The following CA12 variants were observed in gnomAD, a reference collection of about 807,000 sequenced individuals.
CA12 encodes carbonic anhydrase 12, also known as carbonate dehydratase XII.
Under a neutral mutation model 46.8 loss-of-function variants are expected in CA12, and 36 were observed. The ratio of observed to expected loss-of-function variants is 0.77; its 90% confidence interval spans 0.59 to 1.02. The LOEUF (loss-of-function observed/expected upper bound fraction) is 1.02. Ranked by LOEUF, CA12 falls within the 50% of genes least tolerant of loss-of-function variation. The probability of loss-of-function intolerance (pLI) is 0.00; values close to 1 mark genes in which losing one functional copy is unlikely to be tolerated. For missense variants in CA12, 436 were observed against 451.4 expected, an observed-to-expected ratio of 0.97 and a Z score of 0.31; for synonymous variants, 202 against 187.0, an observed-to-expected ratio of 1.08 and a Z score of -0.65.
Position 63,322,739 on chromosome 15 carries a change from T to G in CA12, c.*3546A>C, listed in dbSNP as rs1454081484. 2 of 152,318 alleles carry G rather than the reference T, an allele frequency of 1.3e-5. No individual in the cohort carries two copies. The highest frequency in any genetic ancestry group is 2.9e-5 in the Non-Finnish European group (2 of 68,106). 9.4% of individuals were successfully genotyped at this position (152,318 alleles called of 1,614,324 possible). A position where few individuals can be genotyped will look rare whatever the true frequency, so the allele number is the denominator to read the frequency against. ...TGGGAACTCTGGCTTCCCGGCTGTCTTCATGCCTGTGCGTGGCCATGACAC... is the reference window on the plus strand; with the variant it reads ...TGGGAACTCTGGCTTCCCGGCTGTCGTCATGCCTGTGCGTGGCCATGACAC... On this transcript the variant is annotated 3_prime_UTR_variant, in exon 11 of 11. Coordinates refer to ENST00000178638, the MANE Select transcript of CA12 (RefSeq NM_001218.5). The surrounding 1 kb of genome is among the most constrained non-coding windows in gnomAD (Gnocchi z 4.1).
intron 3 of CA12, among the ~76,000 whole-genome samples, 177 bp downstream of exon 3, chr15:63,346,353 C>T (rs1366345500): frequency 6.6e-6 from 1 of 152,158 alleles, no homozygotes; most frequent in Non-Finnish European, 1.5e-5. Flanking sequence ...GAGCCCAGAG[C>T]CTCCAGCATC....
chr15:63,380,159 A>C (rs2039626795), intron 1 of CA12, among the ~76,000 whole-genome samples: 2 of 152,218 alleles, frequency 1.3e-5, no homozygotes, highest in Admixed American at 1.3e-4. Context: ...TGCTCTACCC[A>C]GGGGTAGGCA....
rs2039058865 is a variant in CA12 at position 63,340,236 on chromosome 15, A to G, written c.747+52T>C. Reference sequence around the variant, plus strand: ...GTCATTGATTGTGATATGGAGGATGATGGGGACTGAGGTGCCGCGTGGACT... The same window carrying G: ...GTCATTGATTGTGATATGGAGGATGGTGGGGACTGAGGTGCCGCGTGGACT... On this transcript the variant is annotated intron_variant, in intron 7 of 10. Transcript: ENST00000178638. The surrounding 1 kb of genome is among the most constrained non-coding windows in gnomAD (Gnocchi z 4.4). 5 of 1,597,820 alleles carry G rather than the reference A, an allele frequency of 3.1e-6. No homozygotes were observed. The Admixed American group carries it at 8.3e-5, about 27-fold the overall frequency.
chr15:63,328,194 G>T lies in CA12; in HGVS notation c.875-64C>A, dbSNP rs750269900. Reference sequence around the variant, plus strand: ...TCAAACCACACTGGATTTGAGCAGCGTGTTGAGAGACGCTCTACCATTTGT... The same window carrying T: ...TCAAACCACACTGGATTTGAGCAGCTTGTTGAGAGACGCTCTACCATTTGT... On this transcript the variant is annotated intron_variant, in intron 8 of 10. Coordinates refer to ENST00000178638, the MANE Select transcript of CA12 (RefSeq NM_001218.5). The surrounding 1 kb of genome is among the most constrained non-coding windows in gnomAD (Gnocchi z 5.9). The T allele has an allele frequency of 4.9e-6, 7 of 1,443,210 alleles. No homozygotes were observed. In the Admixed American group the frequency reaches 1.2e-4, roughly 24 times the overall value. The allele number at this position is 1,443,210 out of a possible 1,614,324, so 89.4% of individuals were successfully genotyped here.
chr15:63,371,852 T>C (rs2039512800), intron 2 of CA12, among the ~76,000 whole-genome samples: 1 of 151,976 alleles, frequency 6.6e-6, no homozygotes, highest in Non-Finnish European at 1.5e-5. Context: ...TTTTGTTTTG[T>C]TTTTGGGTTT....
rs556804289 is a variant in CA12, at chr15:63,381,523, T to G, written c.85+113A>C. The G allele has an allele frequency of 1.4e-4, 127 of 907,060 alleles. 1 individual carries two copies. The African/African-American group carries it at 1.9e-3, about 14-fold the overall frequency. The allele number at this position is 907,060 out of a possible 1,614,324, so 56.2% of individuals were successfully genotyped here. Reference sequence around the variant, plus strand: ...TTCTTGAGAATCTACTATTTGGTACTACACCTTCCCTGCTCCCCGCAGCAA... The same window carrying G: ...TTCTTGAGAATCTACTATTTGGTACGACACCTTCCCTGCTCCCCGCAGCAA... On this transcript the variant is annotated intron_variant, in intron 1 of 10. Transcript: ENST00000178638.
rs191277004 is a variant in CA12 at position 63,326,270 on chromosome 15, G to A, written c.*15C>T. ...GCAAGGTCCTTCCTGGATGTGCCCG[G>A]GAGCTCCGGGGACCTCAAGCGTGGG... On this transcript the variant is annotated 3_prime_UTR_variant, in exon 11 of 11. Transcript: ENST00000178638. The A allele has an allele frequency of 6.2e-7, 1 of 1,611,034 alleles. No individual in the cohort carries two copies. The highest frequency in any genetic ancestry group is 2.2e-5 in the East Asian group (1 of 44,868).
At chr15:63,349,781 A>G (rs2039202472) in intron 2 of CA12, among the ~76,000 whole-genome samples, 1 of 152,126 alleles carries the variant, frequency 6.6e-6, no homozygotes. Context: ...GTCCTTGAAG[A>G]CAAGGACCAC....
At chr15:63,376,809 A>G (rs1209119113) in intron 1 of CA12, among the ~76,000 whole-genome samples, 5 of 151,256 alleles carry the variant, frequency 3.3e-5, no homozygotes, top group Non-Finnish European at 7.4e-5. Context: ...CACCTGGCTA[A>G]TTTTTGTATT....
chr15:63,360,137 A>G (rs1258814613), intron 2 of CA12, among the ~76,000 whole-genome samples: 1 of 152,208 alleles, frequency 6.6e-6, no homozygotes, highest in African/African-American at 2.4e-5. Flanking sequence ...TGGGTCAGAG[A>G]CAAGGGACAG....
chr15:63,326,979 C>T (rs896239581), intron 10 of CA12, among the ~76,000 whole-genome samples, 170 bp downstream of exon 10: 1 of 152,220 alleles, frequency 6.6e-6, no homozygotes, highest in African/African-American at 2.4e-5. Context: ...GTCACATGTG[C>T]GTCTCATGCA....
rs1180634976 is a variant in CA12, at chr15:63,329,076, G to A, written c.875-946C>T. 6.6e-6 allele frequency among the ~76,000 whole-genome samples: 1 copy of A among 152,226 alleles called. No homozygotes were observed. The highest frequency in any genetic ancestry group is 1.5e-5 in the Non-Finnish European group (1 of 68,048). ...GTAGGGATCAAAGCCTGCTTGGGCA[G>A]GCTCCTGTCCATGTCCCTGGTACCT... is the stretch of plus-strand genomic sequence containing the variant. On this transcript the variant is annotated intron_variant, in intron 8 of 10. Coordinates refer to ENST00000178638, the MANE Select transcript of CA12 (RefSeq NM_001218.5). The surrounding 1 kb of genome is among the most constrained non-coding windows in gnomAD (Gnocchi z 4.8).
intron 2 of CA12, among the ~76,000 whole-genome samples, chr15:63,370,455 AAAAG>A (rs1334062806): frequency 1.3e-5 from 2 of 149,586 alleles, no homozygotes; most frequent in Admixed American, 1.3e-4. Flanking sequence ...AAAAAAAAAA[AAAAG>A]AAAAAAAGAA....
rs1443992796 is a variant in CA12, at chr15:63,326,208, G to GC, written c.*76dup. On this transcript the variant is annotated 3_prime_UTR_variant, in exon 11 of 11. Coordinates refer to ENST00000178638, the MANE Select transcript of CA12 (RefSeq NM_001218.5). ...GCTACAGAGAACACCTTGAGGTGTCGCAAGTGTCCAGAGAGCCGAAGTGTG... is the reference window on the plus strand; with the variant it reads ...GCTACAGAGAACACCTTGAGGTGTCGCCAAGTGTCCAGAGAGCCGAAGTGTG... 9.3e-7 allele frequency: 1 copy of GC among 1,080,938 alleles called. No homozygotes were observed. 67.0% of individuals were successfully genotyped at this position (1,080,938 alleles called of 1,614,324 possible). A position where few individuals can be genotyped will look rare whatever the true frequency, so the allele number is the denominator to read the frequency against.
chr15:63,351,496 T>C (rs1294567394), intron 2 of CA12, among the ~76,000 whole-genome samples: 1 of 152,168 alleles, frequency 6.6e-6, no homozygotes, highest in Non-Finnish European at 1.5e-5. Flanking sequence ...TTTCATGGCC[T>C]TGAAGTGCCC....
At position 63,322,781 on chromosome 15, in the gene CA12, G is replaced by A. The variant is rs1225012061; in HGVS notation, c.*3504C>T. 1 of 152,286 alleles carries A rather than the reference G, an allele frequency of 6.6e-6. No homozygotes were observed. Among genetic ancestry groups the A allele is most frequent in the African/African-American group, 2.4e-5 (1 of 41,456 alleles). The allele number at this position is 152,286 out of a possible 1,614,324, so 9.4% of individuals were successfully genotyped here. A position where few individuals can be genotyped will look rare whatever the true frequency, so the allele number is the denominator to read the frequency against. The stretch of plus-strand genomic sequence containing the variant: ...CCATGACACCTGGCAGGATGCCAGA[G>A]CAGGGAGAGCAGAAGCATCCTGTGT... On this transcript the variant is annotated 3_prime_UTR_variant, in exon 11 of 11. Coordinates refer to ENST00000178638, the MANE Select transcript of CA12 (RefSeq NM_001218.5). This position sits in a 1 kb window ranked among gnomAD's most constrained non-coding sequence, Gnocchi z 4.1.
chr15:63,328,214 A>T lies in CA12; in HGVS notation c.875-84T>A. ...GCAGCGTGTTGAGAGACGCTCTACC[A>T]TTTGTTTGGTCTTAGGCTGACAGAC... On this transcript the variant is annotated intron_variant, in intron 8 of 10. Transcript: ENST00000178638. This position sits in a 1 kb window ranked among gnomAD's most constrained non-coding sequence, Gnocchi z 5.9. 7.7e-7 allele frequency: 1 copy of T among 1,293,406 alleles called. No individual in the cohort carries two copies. 80.1% of individuals were successfully genotyped at this position (1,293,406 alleles called of 1,614,324 possible). A position where few individuals can be genotyped will look rare whatever the true frequency, so the allele number is the denominator to read the frequency against.
chr15:63,346,503 C>G, intron 3 of CA12, 27 bp downstream of exon 3: 1 of 1,609,758 alleles, frequency 6.2e-7, no homozygotes, highest in Non-Finnish European at 8.5e-7. Context: ...AGACATACCC[C>G]TCAGGTCTCC....
At chr15:63,375,120 C>G (rs967274412) in intron 2 of CA12, among the ~76,000 whole-genome samples, 2 of 152,218 alleles carry the variant, frequency 1.3e-5, no homozygotes, top group East Asian at 3.8e-4. Flanking sequence ...GTGCTCCTCT[C>G]GCTTCATTTA....
Sources: allele counts gnomAD v4.1 joint callset (sites outside exome capture counted in the v4.1 genomes callset), GRCh38; gene constraint gnomAD v4.1.1; non-coding constraint Gnocchi (gnomAD v3.1); transcripts MANE v1.5; gene names NCBI Gene and HGNC (gene_info 2026-07-23, HGNC 2026-07-21).